The following NEO1 variants were observed in gnomAD, a reference collection of about 807,000 sequenced individuals.
NEO1 encodes neogenin.
In NEO1, 63 loss-of-function variants were observed where a neutral mutation model predicts 159.7. The ratio of observed to expected loss-of-function variants is 0.39; its 90% confidence interval spans 0.32 to 0.49. The LOEUF (loss-of-function observed/expected upper bound fraction) is 0.49, where lower values mean the gene tolerates loss of function less well. Among genes scored for constraint, NEO1 ranks in the 20% least tolerant of loss-of-function variants. The pLI is 0.85. For missense variants in NEO1, 1,615 were observed against 1,831.0 expected, an observed-to-expected ratio of 0.88 and a Z score of 2.15; for synonymous variants, 633 against 662.0, an observed-to-expected ratio of 0.96 and a Z score of 0.67.
intron 22 of NEO1, 67 bp downstream of exon 22, chr15:73,278,266 A>G: frequency 7.1e-7 from 1 of 1,409,778 alleles, no homozygotes; most frequent in Non-Finnish European, 1.0e-6. Context: ...AAATTTTTGA[A>G]ATGTCCTTTA....
At chr15:73,134,968 G>GT (rs1567279501) in intron 4 of NEO1, among the ~76,000 whole-genome samples, 1 of 152,138 alleles carries the variant, frequency 6.6e-6, no homozygotes, top group African/African-American at 2.4e-5. Flanking sequence ...AAATAAAAAT[G>GT]TATGTATACA....
chr15:73,177,627 G>A lies in NEO1; in HGVS notation c.1171-680G>A, dbSNP rs537138537. On this transcript the variant is annotated intron_variant, in intron 6 of 28. Transcript: ENST00000261908. ...AGTGGTTTGATCATAGCTCACCACAGCCTCAAACTCCTGGGCTTAAGCGAT... is the reference window on the plus strand; with the variant it reads ...AGTGGTTTGATCATAGCTCACCACAACCTCAAACTCCTGGGCTTAAGCGAT... Among the ~76,000 whole-genome samples the A allele has an allele frequency of 8.5e-3, 1,288 of 152,224 alleles. 20 individuals are homozygous for A. The highest frequency in any genetic ancestry group is 0.029 in the African/African-American group (1,214 of 41,534).
Position 73,288,488 on chromosome 15 carries a change from G to T in NEO1, c.3586G>T (p.Asp1196Tyr), listed in dbSNP as rs750283866. Residue 1196 changes from aspartate to tyrosine, a missense_variant, in exon 24 of 29, where the codon GAT becomes TAT. Physicochemically the swap from Asp to Tyr is radical, Grantham distance 160. Coordinates refer to ENST00000261908, the MANE Select transcript of NEO1 (RefSeq NM_002499.4). Reference sequence around the variant, plus strand: ...TACTCCAATTCCTCGCAACTCTCAAGATATCACACCAGTTGACAACTCCAT... The same window carrying T: ...TACTCCAATTCCTCGCAACTCTCAATATATCACACCAGTTGACAACTCCAT... The part of the protein sequence containing the change: ...TDTPIPRNSQ[D>Y]ITPVDNSMDS... The T allele has an allele frequency of 2.5e-6, 4 of 1,613,966 alleles. No individual in the cohort carries two copies. In the Admixed American group the frequency reaches 6.7e-5, roughly 27 times the overall value.
intron 5 of NEO1, among the ~76,000 whole-genome samples, chr15:73,149,503 C>T (rs1466956663): frequency 6.6e-6 from 1 of 152,122 alleles, no homozygotes; most frequent in East Asian, 1.9e-4. Flanking sequence ...AGTAGTTAGA[C>T]ATTTCTGTCC....
chr15:73,139,389 A>G (rs1392727124), intron 5 of NEO1, among the ~76,000 whole-genome samples: 2 of 152,226 alleles, frequency 1.3e-5, no homozygotes, highest in Non-Finnish European at 2.9e-5. Context: ...TGAAGAGACA[A>G]CCTATGGAAT....
At chr15:73,209,838 A>C (rs1426445642) in intron 7 of NEO1, among the ~76,000 whole-genome samples, 1 of 152,136 alleles carries the variant, frequency 6.6e-6, no homozygotes, top group South Asian at 2.1e-4. Flanking sequence ...CTAAAAAACA[A>C]ACAAAAAAAA....
At chr15:73,289,430 C>T (rs1046620323) in intron 25 of NEO1, among the ~76,000 whole-genome samples, 192 bp downstream of exon 25, 1 of 152,130 alleles carries the variant, frequency 6.6e-6, no homozygotes, top group Admixed American at 6.6e-5. Flanking sequence ...AGGCTAGCGT[C>T]GTTATGTTTA....
At chr15:73,180,483 A>G (rs1351209990) in intron 7 of NEO1, among the ~76,000 whole-genome samples, 1 of 152,194 alleles carries the variant, frequency 6.6e-6, no homozygotes, top group Non-Finnish European at 1.5e-5. Flanking sequence ...CACTAGCAGA[A>G]TTAGTGAGGT....
intron 7 of NEO1, among the ~76,000 whole-genome samples, chr15:73,212,268 T>C (rs945507791): frequency 3.9e-5 from 6 of 152,214 alleles, no homozygotes; most frequent in Non-Finnish European, 8.8e-5. Context: ...CCATCCCCCA[T>C]ATCATCCTTT....
In NEO1 at chr15:73,299,685, G is replaced by A. The variant is rs556455719; in HGVS notation, c.4165+1074G>A. 4.8e-4 allele frequency among the ~76,000 whole-genome samples: 73 copies of A among 152,250 alleles called. No individual in the cohort carries two copies. In the South Asian group the frequency reaches 0.012, roughly 26 times the overall value. On this transcript the variant is annotated intron_variant, in intron 27 of 28. Transcript: ENST00000261908. Reference sequence around the variant, plus strand: ...TAGGCGTGAGCCACTGCGCCCAGCCGAAAAGCAACTATTTTCAAAACAAAA... The same window carrying A: ...TAGGCGTGAGCCACTGCGCCCAGCCAAAAAGCAACTATTTTCAAAACAAAA...
At chr15:73,195,672 A>G (rs1317551218) in intron 7 of NEO1, among the ~76,000 whole-genome samples, 1 of 152,126 alleles carries the variant, frequency 6.6e-6, no homozygotes, top group Non-Finnish European at 1.5e-5. Flanking sequence ...GTTTCCCCTT[A>G]TATAGCATGT....
chr15:73,239,079 C>A (rs2039355084), intron 8 of NEO1, among the ~76,000 whole-genome samples: 1 of 151,942 alleles, frequency 6.6e-6, no homozygotes, highest in African/African-American at 2.4e-5. Context: ...GGACTCCTGA[C>A]CTCAGGCGAT....
At chr15:73,157,075 T>C (rs1037821992) in intron 5 of NEO1, among the ~76,000 whole-genome samples, 1 of 152,166 alleles carries the variant, frequency 6.6e-6, no homozygotes, top group African/African-American at 2.4e-5. Context: ...TGGCAGCAGA[T>C]CAGCCTGTTC....
Position 73,253,168 on chromosome 15 carries a change from G to A in NEO1, c.1895-232G>A, listed in dbSNP as rs1053487376. Among the ~76,000 whole-genome samples, 3 of 152,088 alleles carry A rather than the reference G, an allele frequency of 2.0e-5. No individual in the cohort carries two copies. The East Asian group carries it at 5.8e-4, about 29-fold the overall frequency. On this transcript the variant is annotated intron_variant, in intron 11 of 28. Coordinates refer to ENST00000261908, the MANE Select transcript of NEO1 (RefSeq NM_002499.4). The stretch of plus-strand genomic sequence containing the variant: ...TTCCCAAAGGTACAGCCTGGCTTGG[G>A]TGTAGGTGCTTTCCCATATGAAAGT...
At chr15:73,193,243 T>C (rs942480329) in intron 7 of NEO1, among the ~76,000 whole-genome samples, 10 of 152,088 alleles carry the variant, frequency 6.6e-5, no homozygotes, top group African/African-American at 7.2e-5. Flanking sequence ...TTCACAGTTA[T>C]CTAGCAGATA....
chr15:73,216,216 A>T (rs916531763), intron 7 of NEO1, among the ~76,000 whole-genome samples: 4 of 152,074 alleles, frequency 2.6e-5, no homozygotes, highest in Non-Finnish European at 2.9e-5. Flanking sequence ...GTTTACTGAG[A>T]ATGATGATTT....
intron 1 of NEO1, among the ~76,000 whole-genome samples, chr15:73,074,562 A>G (rs2068682687): frequency 6.6e-6 from 1 of 152,224 alleles, no homozygotes; most frequent in Non-Finnish European, 1.5e-5. Flanking sequence ...GTGTAATAAA[A>G]TGGGTTTTCG....
At chr15:73,282,143 TC>T (rs1392874030) in intron 22 of NEO1, among the ~76,000 whole-genome samples, 1 of 152,224 alleles carries the variant, frequency 6.6e-6, no homozygotes, top group East Asian at 1.9e-4. Flanking sequence ...ATGGAATCTT[TC>T]TTACTCAGAT....
intron 15 of NEO1, among the ~76,000 whole-genome samples, chr15:73,262,589 A>G (rs1170661537): frequency 6.6e-6 from 1 of 152,238 alleles, no homozygotes; most frequent in Non-Finnish European, 1.5e-5. Context: ...GCTAAATGTT[A>G]GTAGACTGGC....
Sources: allele counts gnomAD v4.1 joint callset (sites outside exome capture counted in the v4.1 genomes callset), GRCh38; gene constraint gnomAD v4.1.1; transcripts MANE v1.5; gene names NCBI Gene and HGNC (gene_info 2026-07-23, HGNC 2026-07-21).